Variants in OLFML2A observed in about 807,000 individuals in gnomAD.
OLFML2A encodes olfactomedin like 2A.
OLFML2A carries 47 observed loss-of-function variants against 60.9 expected under a neutral mutation model. That is an observed-to-expected ratio of 0.77 (90% confidence interval 0.61 to 0.98). The LOEUF is 0.98. Among genes scored for constraint, OLFML2A ranks in the 50% least tolerant of loss-of-function variants. The pLI, the probability that OLFML2A is intolerant of heterozygous loss-of-function variation, is 0.00. For missense variants in OLFML2A, 922 were observed against 879.8 expected, an observed-to-expected ratio of 1.05 and a Z score of -0.61; for synonymous variants, 372 against 375.0, an observed-to-expected ratio of 0.99 and a Z score of 0.09.
Position 124,782,794 on chromosome 9 carries a change from G to C in OLFML2A, c.91-4181G>C, listed in dbSNP as rs144112642. ...GAGGAGGGAAGGAATGTCACGGTCC[G>C]ATGTGGAGGCAGCTGCTGGTGCGGG... On this transcript the variant is annotated intron_variant, in intron 1 of 7. Coordinates refer to ENST00000373580, the MANE Select transcript of OLFML2A (RefSeq NM_182487.4). 2.9e-3 allele frequency among the ~76,000 whole-genome samples: 447 copies of C among 152,298 alleles called. 2 individuals carry two copies. Among genetic ancestry groups the C allele is most frequent in the African/African-American group, 0.01 (425 of 41,574 alleles).
At position 124,799,492 on chromosome 9, in the gene OLFML2A, G is replaced by GT. The variant is rs1841733766; in HGVS notation, c.669+2dup. 1.3e-6 allele frequency: 2 copies of GT among 1,585,126 alleles called. No homozygotes were observed. The highest frequency in any genetic ancestry group is 3.7e-5 in the Admixed American group (2 of 54,694). ...CACGGGCACTGGTAGCAAGGCCCAG[G>GT]TGAGGCCCCAGCTCTGATCATGGGG... is the stretch of plus-strand genomic sequence containing the variant. On this transcript the variant is annotated splice_donor_variant, in intron 4 of 7. Coordinates refer to ENST00000373580, the MANE Select transcript of OLFML2A (RefSeq NM_182487.4). LOFTEE classifies it high-confidence loss of function.
Position 124,809,838 on chromosome 9 carries a change from A to G in OLFML2A, c.1385A>G (p.Tyr462Cys). Residue 462 changes from tyrosine to cysteine, a missense_variant, in exon 8 of 8, where the codon TAC becomes TGC. Transcript: ENST00000373580. ...TGGAGTAACATGTACAAGCTACCCT[A>G]CAACTGGATCGGCACAGGCCACGTG... ...GRWSNMYKLP[Y>C]NWIGTGHVVY... 5 of 1,612,742 alleles carry G rather than the reference A, an allele frequency of 3.1e-6. No homozygotes were observed. Among genetic ancestry groups the G allele is most frequent in the Non-Finnish European group, 4.2e-6 (5 of 1,179,140 alleles).
At chr9:124,797,939 G>T (rs1588884953) in intron 3 of OLFML2A, among the ~76,000 whole-genome samples, 1 of 152,182 alleles carries the variant, frequency 6.6e-6, no homozygotes, top group Non-Finnish European at 1.5e-5. Flanking sequence ...AGTAGGCAAG[G>T]AGCCAGAGCC....
At chr9:124,787,522 TTTTTATTTTA>T (rs201285189) in intron 2 of OLFML2A, among the ~76,000 whole-genome samples, 4,659 of 137,778 alleles carry the variant, frequency 0.034, 259 homozygotes, top group African/African-American at 0.12. Flanking sequence ...CAGTGGGTTG[TTTTTATTTTA>T]TTTTATTTTA....
intron 7 of OLFML2A, among the ~76,000 whole-genome samples, chr9:124,809,405 C>T (rs1841958553): frequency 6.6e-6 from 1 of 151,892 alleles, no homozygotes; most frequent in African/African-American, 2.4e-5. Context: ...GTGAAGGTTT[C>T]CTAGAGGAGG....
At chr9:124,792,843 A>G (rs576944305) in intron 2 of OLFML2A, among the ~76,000 whole-genome samples, 2 of 152,266 alleles carry the variant, frequency 1.3e-5, no homozygotes, top group East Asian at 3.9e-4. Flanking sequence ...CCATTTCTTA[A>G]CACAGAAAAC....
chr9:124,795,944 G>A (rs1333914678), intron 3 of OLFML2A, among the ~76,000 whole-genome samples: 3 of 152,228 alleles, frequency 2.0e-5, no homozygotes, highest in African/African-American at 7.2e-5. Context: ...TGCCCCTGGG[G>A]ACAAGGACAG....
rs1369078150 is a variant in OLFML2A at position 124,810,083 on chromosome 9, CA to C, written c.1631del (p.Gln544ArgfsTer4). 6.2e-7 allele frequency: 1 copy of C among 1,613,872 alleles called. No individual in the cohort carries two copies. Among genetic ancestry groups the C allele is most frequent in the South Asian group, 1.1e-5 (1 of 91,078 alleles). On this transcript the variant is annotated frameshift_variant, in exon 8 of 8. Transcript: ENST00000373580. LOFTEE classifies it high-confidence loss of function. ...CGCCGTGGACGACCGCGATGAGGCC[CA>C]GCCCGAGGTGATCGTCCTGAGTCGC... ...YPAVDDRDEA[Q>X]PEVIVLSRLD...
chr9:124,795,776 T>C (rs2131262440), intron 3 of OLFML2A, among the ~76,000 whole-genome samples: 1 of 152,142 alleles, frequency 6.6e-6, no homozygotes, highest in Middle Eastern at 3.4e-3. Context: ...AAATAAAAAA[T>C]AAGATACCTT....
intron 3 of OLFML2A, among the ~76,000 whole-genome samples, chr9:124,795,579 G>A (rs1841653936): frequency 6.6e-6 from 1 of 152,176 alleles, no homozygotes; most frequent in South Asian, 2.1e-4. Flanking sequence ...AGAAGTTTGA[G>A]ACCAGCTTGG....
At chr9:124,800,717 T>C (rs542894170) in intron 4 of OLFML2A, 2 of 484,782 alleles carry the variant, frequency 4.1e-6, no homozygotes, top group East Asian at 1.5e-4. Context: ...GTTTTGGCAA[T>C]GGTGCAGAAG....
rs1564290566 is a variant in OLFML2A at position 124,810,392 on chromosome 9, ACCCT to A, written c.1942_1945del (p.Leu648ThrfsTer46). 1.9e-6 allele frequency: 3 copies of A among 1,595,436 alleles called. No homozygotes were observed. The Admixed American group carries it at 5.0e-5, about 27-fold the overall frequency. ...GGACAATGGCCACCAGCTCACCTAC[ACCCT>A]CCACTTCGTGGTCTGAGTGGAGACC... is the stretch of plus-strand genomic sequence containing the variant. On this transcript the variant is annotated frameshift_variant, in exon 8 of 8. Transcript: ENST00000373580. LOFTEE classifies it high-confidence loss of function.
At chr9:124,791,694 T>G (rs1361794723) in intron 2 of OLFML2A, among the ~76,000 whole-genome samples, 2 of 134,656 alleles carry the variant, frequency 1.5e-5, no homozygotes, top group Admixed American at 8.9e-5. Context: ...GTGGAGATCG[T>G]GCCATTGCAC....
rs754879012 is a variant in OLFML2A at position 124,799,298 on chromosome 9, A to T, written c.476A>T (p.Asn159Ile). The T allele has an allele frequency of 1.2e-6, 2 of 1,611,316 alleles. No homozygotes were observed. The highest frequency in any genetic ancestry group is 2.2e-5 in the South Asian group (2 of 91,050). The change falls in exon 4 of 8, where the codon AAC (asparagine) becomes ATC (isoleucine). Residue 159 changes from asparagine (N) to isoleucine (I), a missense_variant. Coordinates refer to ENST00000373580, the MANE Select transcript of OLFML2A (RefSeq NM_182487.4). ...CCCCCTCCGCAGAGCATCAAGGCCA[A>T]CCTGAGCCGGGAGAATGAGGTGGTG... ...MNTLEESIKANLSRENEVVKD... is the reference protein window; with the variant it reads ...MNTLEESIKAILSRENEVVKD...
In OLFML2A at chr9:124,787,179, C is replaced by T. The variant is rs201760376; in HGVS notation, c.295C>T (p.Pro99Ser). The part of the protein sequence containing the change: ...SCTAPPSSLN[P>S]CENEWKMEKL... ...TACCGCACCTCCCTCCTCTCTCAAC[C>T]CCTGTGAGAACGAGTGGAAGATGGA... is the stretch of plus-strand genomic sequence containing the variant. Residue 99 changes from proline to serine, a missense_variant, in exon 2 of 8, where the codon CCC (proline) becomes TCC (serine). Pro to Ser is a moderately conservative substitution (Grantham distance 74, BLOSUM62 -1). Coordinates refer to ENST00000373580, the MANE Select transcript of OLFML2A (RefSeq NM_182487.4). 485 of 1,613,990 alleles carry T rather than the reference C, an allele frequency of 3.0e-4. No individual in the cohort carries two copies. The highest frequency in any genetic ancestry group is 3.8e-4 in the Non-Finnish European group (446 of 1,179,942).
Position 124,810,267 on chromosome 9 carries a change from A to C in OLFML2A, c.1814A>C (p.His605Pro). 1 of 1,611,680 alleles carries C rather than the reference A, an allele frequency of 6.2e-7. No individual in the cohort carries two copies. The highest frequency in any genetic ancestry group is 8.5e-7 in the Non-Finnish European group (1 of 1,179,990). ...CAGGTCGCCTACGCTTTCGACACGC[A>C]CACGGGCACCGACGCACGCCCCCAG... ...EGQVAYAFDT[H>P]TGTDARPQLP... The change falls in exon 8 of 8, where the codon CAC (histidine) becomes CCC (proline). Residue 605 changes from histidine to proline, a missense_variant. Physicochemically the swap from His to Pro is moderately conservative, Grantham distance 77 (BLOSUM62 -2). Transcript: ENST00000373580.
intron 5 of OLFML2A, among the ~76,000 whole-genome samples, chr9:124,801,936 T>C (rs1360013515): frequency 2.6e-5 from 4 of 152,124 alleles, no homozygotes; most frequent in Non-Finnish European, 5.9e-5. Context: ...CTTTTGAAAA[T>C]GTGCTGAAGG....
intron 2 of OLFML2A, 84 bp downstream of exon 2, chr9:124,787,322 C>A: frequency 1.5e-6 from 2 of 1,327,574 alleles, no homozygotes; most frequent in Non-Finnish European, 2.1e-6. Flanking sequence ...TCCACACACT[C>A]TGTGAGGCGA....
rs750015550 is a variant in OLFML2A, at chr9:124,810,281, G to A, written c.1828G>A (p.Ala610Thr). 1.2e-6 allele frequency: 2 copies of A among 1,610,236 alleles called. No individual in the cohort carries two copies. Among genetic ancestry groups the A allele is most frequent in the African/African-American group, 2.7e-5 (2 of 74,918 alleles). The change falls in exon 8 of 8, where the codon GCA becomes ACA. Residue 610 changes from alanine to threonine, a missense_variant. Ala to Thr is a moderately conservative substitution (Grantham distance 58). Transcript: ENST00000373580. ...TTTCGACACGCACACGGGCACCGAC[G>A]CACGCCCCCAGCTGCCGTTCCTCAA... is the stretch of plus-strand genomic sequence containing the variant. ...YAFDTHTGTD[A>T]RPQLPFLNEH...
Sources: gnomAD v4.1 joint callset for allele counts (sites outside exome capture counted in the v4.1 genomes callset) on GRCh38, gnomAD v4.1.1 for gene constraint, MANE v1.5 for transcripts, NCBI Gene and HGNC (gene_info 2026-07-23, HGNC 2026-07-21) for gene names.